The following MYH11 variants were observed in gnomAD, a reference collection of about 807,000 sequenced individuals.
MYH11 encodes the protein myosin heavy chain 11.
A neutral mutation model predicts 246.6 loss-of-function variants in MYH11; 80 were observed. The ratio of observed to expected loss-of-function variants is 0.32; its 90% CI spans 0.27 to 0.39. The LOEUF (loss-of-function observed/expected upper bound fraction) is 0.39, where lower values mean the gene tolerates loss of function less well. Among genes scored for constraint, MYH11 ranks in the 10% least tolerant of loss-of-function variants. MYH11 has a pLI of 1.00. For missense variants in MYH11, 2,158 were observed against 2,546.8 expected (o/e 0.85, Z 3.29); for synonymous variants, 1,071 against 1,015.5 (o/e 1.05, Z -1.04).
intron 40 of MYH11, 93 bp from the exon 41 acceptor site, chr16:15,704,216 T>C (rs1302926447): frequency 1.4e-6 from 2 of 1,464,968 alleles, no homozygotes; most frequent in South Asian, 1.2e-5. Context: ...GTAGCTATAG[T>C]CCTATTGCAA....
At chr16:15,815,675 C>T (rs1238829234) in intron 3 of MYH11, among the ~76,000 whole-genome samples, 3 of 152,104 alleles carry the variant, frequency 2.0e-5, no homozygotes, top group African/African-American at 7.2e-5. Flanking sequence ...ATTAATTGGG[C>T]CACTAAGTGT....
At chr16:15,832,776 A>C (rs963566416) in intron 2 of MYH11, among the ~76,000 whole-genome samples, 1 of 151,884 alleles carries the variant, frequency 6.6e-6, no homozygotes, top group African/African-American at 2.4e-5. Context: ...CTCCTGCTCC[A>C]GCCCACGACC....
chr16:15,748,957 A>T (rs1166237606), intron 16 of MYH11, among the ~76,000 whole-genome samples: 1 of 151,796 alleles, frequency 6.6e-6, no homozygotes, highest in African/African-American at 2.4e-5. Context: ...TCTGACCATG[A>T]TATAGCCCTG....
intron 3 of MYH11, among the ~76,000 whole-genome samples, chr16:15,821,952 C>T (rs758816632): frequency 1.6e-4 from 25 of 151,966 alleles, no homozygotes; most frequent in Non-Finnish European, 3.4e-4. Context: ...AGATACCTGA[C>T]TCCAGGAGCC....
intron 2 of MYH11, among the ~76,000 whole-genome samples, chr16:15,829,176 G>A (rs1217151145): frequency 4.7e-5 from 7 of 148,058 alleles, no homozygotes; most frequent in African/African-American, 1.7e-4. Context: ...AAGTGAGACT[G>A]TCTCAAAGAA....
chr16:15,738,677 G>A lies in MYH11; in HGVS notation c.3009C>T (p.Leu1003=). The change falls in exon 24 of 41, where the codon CTC becomes CTT. Residue 1003 remains leucine, a synonymous_variant. Transcript: ENST00000300036. ...TTAAGTCACTAATCCTCTCCTCAAG[G>A]AGTTTTCGTTCCTTTTTGGGGAAAG... The part of the protein sequence containing the change: ...QNNKLSKERK[L]LEERISDLTT... The A allele has an allele frequency of 1.2e-6, 2 of 1,613,788 alleles. No homozygotes were observed. Among genetic ancestry groups the A allele is most frequent in the Non-Finnish European group, 1.7e-6 (2 of 1,179,870 alleles).
chr16:15,851,090 C>A (rs1011487057), intron 1 of MYH11, among the ~76,000 whole-genome samples: 3 of 152,006 alleles, frequency 2.0e-5, no homozygotes, highest in Non-Finnish European at 4.4e-5. Context: ...TGAATGAATG[C>A]CACACAGGCA....
In MYH11 at chr16:15,750,842, GAGAC is replaced by G. The variant is rs770484185; in HGVS notation, c.1865-515_1865-512del. Among the ~76,000 whole-genome samples, 41 of 152,224 alleles carry G rather than the reference GAGAC, an allele frequency of 2.7e-4. No homozygotes were observed. Among genetic ancestry groups the G allele is most frequent in the Non-Finnish European group, 5.6e-4 (38 of 68,022 alleles). ...TCACCCCGCTTATATCACAGGGAAG[GAGAC>G]AGACAGAGATCACAGATGTTAAGTA... On this transcript the variant is annotated intron_variant, in intron 15 of 40. Coordinates refer to ENST00000300036, the MANE Select transcript of MYH11 (RefSeq NM_002474.3). The surrounding 1 kb of genome is among the most constrained non-coding windows in gnomAD (Gnocchi z 4.3).
chr16:15,802,813 A>T (rs2042917327), intron 3 of MYH11, among the ~76,000 whole-genome samples: 1 of 152,034 alleles, frequency 6.6e-6, no homozygotes. Flanking sequence ...AGATGAGGTC[A>T]TCCTGGCTTG....
At chr16:15,773,913 A>AC (rs2042162703) in intron 8 of MYH11, among the ~76,000 whole-genome samples, 1 of 151,210 alleles carries the variant, frequency 6.6e-6, no homozygotes, top group African/African-American at 2.4e-5. Context: ...CTTCTCCCCC[A>AC]CCCCCAACTT....
intron 27 of MYH11, among the ~76,000 whole-genome samples, chr16:15,732,078 C>T (rs2040979252): frequency 6.6e-6 from 1 of 152,282 alleles, no homozygotes; most frequent in South Asian, 2.1e-4. Context: ...TCTCCTGCCT[C>T]AGCCTCCCGA....
chr16:15,853,875 T>A (rs550800200), intron 1 of MYH11, among the ~76,000 whole-genome samples: 31 of 152,126 alleles, frequency 2.0e-4, no homozygotes, highest in Non-Finnish European at 2.4e-4. Context: ...ATACAAAAAA[T>A]TAGCCAGGCA....
At chr16:15,819,089 G>A (rs1291144924) in intron 3 of MYH11, among the ~76,000 whole-genome samples, 2 of 151,466 alleles carry the variant, frequency 1.3e-5, no homozygotes, top group Non-Finnish European at 2.9e-5. Context: ...TGGCCAGGCT[G>A]GTCTCTAACT....
chr16:15,744,839 C>G (rs1184842564), intron 20 of MYH11, among the ~76,000 whole-genome samples: 1 of 152,248 alleles, frequency 6.6e-6, no homozygotes, highest in East Asian at 1.9e-4. Flanking sequence ...AACTGGAGAA[C>G]AGAGTGGTTT....
At chr16:15,836,884 C>T (rs2043912175) in intron 2 of MYH11, among the ~76,000 whole-genome samples, 2 of 151,936 alleles carry the variant, frequency 1.3e-5, no homozygotes, top group African/African-American at 2.4e-5. Flanking sequence ...ACTACCATGC[C>T]TGGCTAATTT....
intron 40 of MYH11, among the ~76,000 whole-genome samples, chr16:15,712,047 G>C (rs541132785): frequency 1.3e-5 from 2 of 152,134 alleles, no homozygotes; most frequent in Admixed American, 1.3e-4. Context: ...GGGATGTGGG[G>C]TATAAAGGAG....
At position 15,798,807 on chromosome 16, in the gene MYH11, A is replaced by T. The variant is rs572546899; in HGVS notation, c.503-120T>A. 26 of 1,086,958 alleles carry T rather than the reference A, an allele frequency of 2.4e-5. No homozygotes were observed. In the South Asian group the frequency reaches 3.5e-4, roughly 15 times the overall value. The allele number at this position is 1,086,958 out of a possible 1,614,324, so 67.3% of individuals were successfully genotyped here. ...AGCTTCTCCATGCTGGCCTCATTGGAAGTGACAACAGGTCAGCTGGGCTCA... is the reference window on the plus strand; with the variant it reads ...AGCTTCTCCATGCTGGCCTCATTGGTAGTGACAACAGGTCAGCTGGGCTCA... On this transcript the variant is annotated intron_variant, in intron 3 of 40. Coordinates refer to ENST00000300036, the MANE Select transcript of MYH11 (RefSeq NM_002474.3).
chr16:15,763,341 A>G (rs954872552), intron 10 of MYH11, among the ~76,000 whole-genome samples: 2 of 151,742 alleles, frequency 1.3e-5, no homozygotes, highest in African/African-American at 4.8e-5. Context: ...TTTCTTTAAC[A>G]AAACAATTAA....
At chr16:15,718,475 T>C (rs2040290670) in intron 36 of MYH11, 37 bp from the exon 37 acceptor site, 7 of 1,536,064 alleles carry the variant, frequency 4.6e-6, no homozygotes, top group Non-Finnish European at 4.4e-6. Flanking sequence ...GCCTCTACCC[T>C]CCCCCGCCTT....
Sources: allele counts gnomAD v4.1 joint callset (sites outside exome capture counted in the v4.1 genomes callset), GRCh38; gene constraint gnomAD v4.1.1; non-coding constraint Gnocchi (gnomAD v3.1); transcripts MANE v1.5; gene names NCBI Gene and HGNC (gene_info 2026-07-23, HGNC 2026-07-21).